The following RBM20 variants were observed in gnomAD, a reference collection of about 807,000 sequenced individuals.
The protein encoded by RBM20 is RNA binding motif protein 20.
A neutral mutation model predicts 110.1 loss-of-function variants in RBM20; 51 were observed. The ratio of observed to expected loss-of-function variants is 0.46; its 90% CI spans 0.37 to 0.59. RBM20 has a LOEUF of 0.59. Among genes scored for constraint, RBM20 ranks in the 20% least tolerant of loss-of-function variants. RBM20 has a pLI of 0.00. For synonymous variants in RBM20, 589 were observed against 618.2 expected (o/e 0.95, Z 0.70); for missense variants, 1,512 against 1,574.9 (o/e 0.96, Z 0.68).
chr10:110,731,579 G>A (rs1249039588), intron 1 of RBM20, among the ~76,000 whole-genome samples: 1 of 152,076 alleles, frequency 6.6e-6, no homozygotes, highest in African/African-American at 2.4e-5. Context: ...CATTTTCTAC[G>A]TGTGCTGCCA....
intron 1 of RBM20, among the ~76,000 whole-genome samples, chr10:110,753,857 C>T (rs1277836498): frequency 1.3e-5 from 2 of 152,222 alleles, no homozygotes; most frequent in African/African-American, 4.8e-5. Flanking sequence ...CCTTCTCCAT[C>T]CTCAAAGACA....
chr10:110,728,172 T>A (rs1198703765), intron 1 of RBM20, among the ~76,000 whole-genome samples: 2 of 152,170 alleles, frequency 1.3e-5, no homozygotes, highest in East Asian at 3.8e-4. Context: ...TACCCAGTAA[T>A]GGAATTGCTG....
rs1477815838 is a variant in RBM20, at chr10:110,837,438, G to A, written c.*1460G>A. On this transcript the variant is annotated 3_prime_UTR_variant, in exon 14 of 14. Transcript: ENST00000369519. Reference sequence around the variant, plus strand: ...CATGAGCAGAGATACTCTCCTGAAAGCACCCTTCATAGCTTAGCCCAGGAA... The same window carrying A: ...CATGAGCAGAGATACTCTCCTGAAAACACCCTTCATAGCTTAGCCCAGGAA... 1 of 152,226 alleles carries A rather than the reference G, an allele frequency of 6.6e-6. No individual in the cohort carries two copies. Among genetic ancestry groups the A allele is most frequent in the Non-Finnish European group, 1.5e-5 (1 of 68,070 alleles). The allele number at this position is 152,226 out of a possible 1,614,324, so 9.4% of individuals were successfully genotyped here.
intron 1 of RBM20, among the ~76,000 whole-genome samples, chr10:110,687,695 C>G (rs1862524844): frequency 2.0e-5 from 3 of 152,198 alleles, no homozygotes; most frequent in African/African-American, 7.2e-5. Flanking sequence ...TGACCTTGGG[C>G]AAGTCACTTG....
chr10:110,799,576 T>C (rs1844594909), intron 6 of RBM20, among the ~76,000 whole-genome samples: 2 of 152,220 alleles, frequency 1.3e-5, no homozygotes, highest in African/African-American at 2.4e-5. Flanking sequence ...GGTAAAGATA[T>C]AGAGCATTTC....
intron 1 of RBM20, among the ~76,000 whole-genome samples, chr10:110,759,878 C>T (rs1366958077): frequency 2.0e-5 from 3 of 152,160 alleles, no homozygotes; most frequent in African/African-American, 7.2e-5. Context: ...GTGTAAGAAA[C>T]AAAGCAAAGG....
chr10:110,774,533 C>T (rs1274580256), intron 1 of RBM20, among the ~76,000 whole-genome samples: 1 of 151,790 alleles, frequency 6.6e-6, no homozygotes, highest in Non-Finnish European at 1.5e-5. Flanking sequence ...TATCCGACCA[C>T]AGCTACCTCC....
chr10:110,688,499 G>A (rs1355736962), intron 1 of RBM20, among the ~76,000 whole-genome samples: 3 of 151,982 alleles, frequency 2.0e-5, no homozygotes, highest in Non-Finnish European at 2.9e-5. Flanking sequence ...TTGTTTACAC[G>A]TTGATGTCCC....
chr10:110,681,733 C>A (rs1199202617), intron 1 of RBM20, among the ~76,000 whole-genome samples: 1 of 152,200 alleles, frequency 6.6e-6, no homozygotes. Context: ...CCCAGCTGCA[C>A]CTAGCGTTAA....
intron 1 of RBM20, among the ~76,000 whole-genome samples, chr10:110,725,878 C>T (rs1039678269): frequency 6.6e-6 from 1 of 152,214 alleles, no homozygotes; most frequent in African/African-American, 2.4e-5. Context: ...GGATTGACAG[C>T]CACAGCTTGG....
intron 1 of RBM20, among the ~76,000 whole-genome samples, chr10:110,657,179 G>A (rs1210655344): frequency 2.6e-5 from 4 of 152,130 alleles, no homozygotes; most frequent in Admixed American, 2.6e-4. Flanking sequence ...ACCACGCCTG[G>A]CTAATTTTTG....
At chr10:110,663,998 T>C (rs1226487773) in intron 1 of RBM20, among the ~76,000 whole-genome samples, 1 of 152,222 alleles carries the variant, frequency 6.6e-6, no homozygotes, top group Admixed American at 6.5e-5. Flanking sequence ...ACCATCAAGA[T>C]ATTAAATGAA....
chr10:110,812,394 G>A lies in RBM20; in HGVS notation c.1997G>A (p.Arg666Gln), dbSNP rs202011408. 1.7e-5 allele frequency: 26 copies of A among 1,551,504 alleles called. No homozygotes were observed. The highest frequency in any genetic ancestry group is 9.6e-6 in the Non-Finnish European group (11 of 1,146,984). ...TCCCACAGCCCTCCGGGCCCCTCCC[G>A]GGCTGACTGGGGCAATGGCCGGGAC... is the stretch of plus-strand genomic sequence containing the variant. ...SSSHSPPGPSRADWGNGRDSW... is the reference protein window; with the variant it reads ...SSSHSPPGPSQADWGNGRDSW... The change falls in exon 9 of 14, where the codon CGG becomes CAG. Residue 666 changes from arginine (R) to glutamine (Q), a missense_variant. Physicochemically the swap from Arg to Gln is conservative, Grantham distance 43 (BLOSUM62 1). Around this residue, in one of 3 missense-constraint regions of RBM20, gnomAD observed 1,149 missense variants for 1,169.4 expected, o/e 0.98. Transcript: ENST00000369519.
At chr10:110,672,193 CTGCCACGAGGGAGGCGA>C (rs1862270370) in intron 1 of RBM20, among the ~76,000 whole-genome samples, 1 of 152,214 alleles carries the variant, frequency 6.6e-6, no homozygotes. Context: ...GGACAGGGTT[CTGCCACGAGGGAGGCGA>C]TGCCTGGCGC....
intron 13 of RBM20, 167 bp from the exon 14 acceptor site, chr10:110,835,701 A>G (rs976342524): frequency 1.8e-6 from 1 of 557,820 alleles, no homozygotes; most frequent in Non-Finnish European, 3.1e-6. Flanking sequence ...GGTACTTAGC[A>G]TAAGTTCTGT....
At chr10:110,753,267 AT>A (rs5787871) in intron 1 of RBM20, among the ~76,000 whole-genome samples, 52,934 of 151,830 alleles carry the variant, frequency 0.35, 10,150 homozygotes, top group East Asian at 0.54. Context: ...TCTAAAGTTT[AT>A]CAAAGCTTTC....
chr10:110,677,347 C>G (rs1388118777), intron 1 of RBM20, among the ~76,000 whole-genome samples: 1 of 151,404 alleles, frequency 6.6e-6, no homozygotes, highest in Non-Finnish European at 1.5e-5. Flanking sequence ...GAGACACAGT[C>G]TAGCTCTGTC....
chr10:110,787,738 C>A (rs1386825879), intron 5 of RBM20, among the ~76,000 whole-genome samples: 9 of 152,132 alleles, frequency 5.9e-5, no homozygotes, highest in Non-Finnish European at 1.2e-4. Flanking sequence ...TGGCTTGAGC[C>A]TGGTGAGAAG....
In RBM20 at chr10:110,797,585, C is replaced by A. The variant is rs1385956915; in HGVS notation, c.1605C>A (p.Val535=). The A allele has an allele frequency of 1.3e-6, 2 of 1,551,620 alleles. No individual in the cohort carries two copies. The highest frequency in any genetic ancestry group is 1.2e-5 in the South Asian group (1 of 84,068). ...LPEGSCTEND[V]INLGLPFGKV... Reference sequence around the variant, plus strand: ...AAGGAAGCTGCACTGAGAATGACGTCATTAACCTGGGGCTGCCCTTTGGAA... The same window carrying A: ...AAGGAAGCTGCACTGAGAATGACGTAATTAACCTGGGGCTGCCCTTTGGAA... The change falls in exon 6 of 14, where the codon GTC becomes GTA. Residue 535 remains valine (V), a synonymous_variant. Transcript: ENST00000369519.
Sources: gnomAD v4.1 joint callset for allele counts (sites outside exome capture counted in the v4.1 genomes callset) on GRCh38, gnomAD v4.1.1 for gene constraint, gnomAD v4.1.1 regional missense constraint, MANE v1.5 for transcripts, NCBI Gene and HGNC (gene_info 2026-07-23, HGNC 2026-07-21) for gene names.